The following FRMD3 variants were observed in gnomAD, a reference collection of about 807,000 sequenced individuals.
The protein encoded by FRMD3 is FERM domain containing 3.
FRMD3 carries 33 observed loss-of-function variants against 70.2 expected under a neutral mutation model. That is an observed-to-expected ratio of 0.47 (90% CI 0.36 to 0.63). The LOEUF is 0.63. Among genes scored for constraint, FRMD3 ranks in the 20% least tolerant of loss-of-function variants. FRMD3 has a pLI of 0.00. For synonymous variants in FRMD3, 279 were observed against 255.9 expected (o/e 1.09, Z -0.86); for missense variants, 632 against 711.4 (o/e 0.89, Z 1.27).
intron 5 of FRMD3, among the ~76,000 whole-genome samples, chr9:83,337,994 A>G (rs1196800156): frequency 6.6e-6 from 1 of 152,254 alleles, no homozygotes; most frequent in Non-Finnish European, 1.5e-5. Context: ...TTGAAAGAAC[A>G]TATCTTCACA....
chr9:83,534,475 A>C (rs1371509183), intron 1 of FRMD3, among the ~76,000 whole-genome samples: 1 of 152,244 alleles, frequency 6.6e-6, no homozygotes, highest in Non-Finnish European at 1.5e-5. Context: ...TGCAGTGGCA[A>C]ATGCAAAGAT....
chr9:83,278,258 G>A (rs1017810291), intron 13 of FRMD3, among the ~76,000 whole-genome samples: 1 of 152,178 alleles, frequency 6.6e-6, no homozygotes, highest in Non-Finnish European at 1.5e-5. Flanking sequence ...TCTGAGGGGT[G>A]GGCAGGAGGC....
chr9:83,309,434 T>C, intron 10 of FRMD3, 102 bp downstream of exon 10: 1 of 678,626 alleles, frequency 1.5e-6, no homozygotes, highest in Admixed American at 3.0e-5. Context: ...ATATAACTTT[T>C]AAAACTGTAT....
chr9:83,584,159 C>A, the FRMD3 span, among the ~76,000 whole-genome samples: 7 of 152,170 alleles, frequency 4.6e-5, no homozygotes, highest in Admixed American at 4.6e-4. Context: ...CATGGTGAAA[C>A]CCCATCTCTA....
At chr9:83,384,533 A>G (rs1386428703) in intron 2 of FRMD3, among the ~76,000 whole-genome samples, 2 of 152,182 alleles carry the variant, frequency 1.3e-5, no homozygotes, top group Non-Finnish European at 2.9e-5. Context: ...AATAAAACTT[A>G]CTGATAGGCT....
At chr9:83,457,374 G>A (rs1341897117) in intron 1 of FRMD3, among the ~76,000 whole-genome samples, 1 of 152,100 alleles carries the variant, frequency 6.6e-6, no homozygotes, top group African/African-American at 2.4e-5. Context: ...GGCAAATTAA[G>A]GGTAAAAGAA....
chr9:83,446,299 C>T (rs577401104), intron 1 of FRMD3, among the ~76,000 whole-genome samples: 161 of 152,332 alleles, frequency 1.1e-3, no homozygotes, highest in African/African-American at 3.7e-3. Flanking sequence ...CACAGTCTGC[C>T]TTTGGGTAAC....
the FRMD3 span, among the ~76,000 whole-genome samples, chr9:83,561,445 A>G: frequency 6.6e-6 from 1 of 152,218 alleles, no homozygotes; most frequent in Non-Finnish European, 1.5e-5. Flanking sequence ...TGGGGTATAA[A>G]GACAAATGAA....
intron 1 of FRMD3, among the ~76,000 whole-genome samples, chr9:83,469,913 C>T (rs1828227870): frequency 6.6e-6 from 1 of 152,218 alleles, no homozygotes; most frequent in Non-Finnish European, 1.5e-5. Context: ...AACTCTTACG[C>T]ACGTTTGAAT....
chr9:83,423,513 T>C lies in FRMD3; in HGVS notation c.148-33805A>G, dbSNP rs553782155. Among the ~76,000 whole-genome samples, 10 of 150,570 alleles carry C rather than the reference T, an allele frequency of 6.6e-5. No individual in the cohort carries two copies. In the South Asian group the frequency reaches 1.5e-3, roughly 22 times the overall value. On this transcript the variant is annotated intron_variant, in intron 1 of 13. Transcript: ENST00000304195. ...CTCATATGGTGCTGCCCCAATTTGG[T>C]AGCCACGAACCACATGTAGCTATTT...
the FRMD3 span, among the ~76,000 whole-genome samples, chr9:83,546,902 A>AAAAAAAAAAAAAAAAAT: frequency 6.6e-6 from 1 of 150,870 alleles, no homozygotes; most frequent in Non-Finnish European, 1.5e-5. Context: ...AAAAAAAAAA[A>AAAAAAAAAAAAAAAAAT]AAGAGTATAG....
intron 5 of FRMD3, among the ~76,000 whole-genome samples, chr9:83,339,768 T>A (rs1259266630): frequency 6.6e-6 from 1 of 152,156 alleles, no homozygotes; most frequent in Non-Finnish European, 1.5e-5. Flanking sequence ...ACAGGAACTT[T>A]GTATTGCCAT....
In FRMD3 at chr9:83,442,659, C is replaced by T. The variant is rs939919848; in HGVS notation, c.148-52951G>A. Among the ~76,000 whole-genome samples the T allele has an allele frequency of 3.9e-5, 6 of 152,022 alleles. No homozygotes were observed. The South Asian group carries it at 1.2e-3, about 32-fold the overall frequency. On this transcript the variant is annotated intron_variant, in intron 1 of 13. Transcript: ENST00000304195. Reference sequence around the variant, plus strand: ...ATCCTCAGTGGAGGGGGGGTACATTCCCCCTCCACGACCACCCCACCCCCA... The same window carrying T: ...ATCCTCAGTGGAGGGGGGGTACATTTCCCCTCCACGACCACCCCACCCCCA...
intron 1 of FRMD3, among the ~76,000 whole-genome samples, chr9:83,511,430 G>C (rs1246483682): frequency 6.6e-6 from 1 of 152,100 alleles, no homozygotes; most frequent in Non-Finnish European, 1.5e-5. Context: ...AAGCCCTCCT[G>C]GTAGGAAAAT....
intron 1 of FRMD3, among the ~76,000 whole-genome samples, chr9:83,489,045 T>C (rs1164529166): frequency 1.3e-5 from 2 of 150,402 alleles, no homozygotes; most frequent in African/African-American, 4.9e-5. Context: ...CACATGTGTG[T>C]ATGTGTGTGT....
chr9:83,572,597 T>C, the FRMD3 span, among the ~76,000 whole-genome samples: 11 of 152,220 alleles, frequency 7.2e-5, no homozygotes, highest in African/African-American at 2.6e-4. Flanking sequence ...AGTAAATAGA[T>C]TAGAGAAATA....
Position 83,323,843 on chromosome 9 carries a change from T to G in FRMD3, c.597-10096A>C, listed in dbSNP as rs189565052. On this transcript the variant is annotated intron_variant, in intron 6 of 13. Coordinates refer to ENST00000304195, the MANE Select transcript of FRMD3 (RefSeq NM_174938.6). ...AAAAGTCACTGGAAACCCTGGGAAC[T>G]CTCACCTATTGTTGGTGTGAACATA... Among the ~76,000 whole-genome samples the G allele has an allele frequency of 2.5e-3, 387 of 152,312 alleles. 4 individuals carry two copies. The highest frequency in any genetic ancestry group is 4.3e-3 in the Non-Finnish European group (291 of 68,028).
At chr9:83,393,112 C>T (rs1013260594) in intron 1 of FRMD3, among the ~76,000 whole-genome samples, 1 of 152,182 alleles carries the variant, frequency 6.6e-6, no homozygotes, top group Non-Finnish European at 1.5e-5. Flanking sequence ...ACTTTTGATG[C>T]TGTCTCTAAA....
intron 1 of FRMD3, among the ~76,000 whole-genome samples, chr9:83,515,742 G>C (rs1356200526): frequency 6.6e-6 from 1 of 152,158 alleles, no homozygotes; most frequent in African/African-American, 2.4e-5. Flanking sequence ...ACCCACAAAG[G>C]GAAGCCCATC....
Sources: gnomAD v4.1 joint callset for allele counts (sites outside exome capture counted in the v4.1 genomes callset) on GRCh38, gnomAD v4.1.1 for gene constraint, MANE v1.5 for transcripts, NCBI Gene and HGNC (gene_info 2026-07-23, HGNC 2026-07-21) for gene names.